Variants in DEGS2 observed in about 807,000 individuals in gnomAD.
The protein encoded by DEGS2 is delta 4-desaturase, sphingolipid 2.
Under a neutral mutation model 23.8 loss-of-function variants are expected in DEGS2, and 19 were observed. That is an observed-to-expected ratio of 0.80 (90% CI 0.56 to 1.17). The LOEUF is 1.17. Ranked by LOEUF, DEGS2 falls within the 50% of genes most tolerant of loss-of-function variation. The pLI is 0.00. For missense variants in DEGS2, 390 were observed against 459.5 expected, an observed-to-expected ratio of 0.85 and a Z score of 1.38; for synonymous variants, 218 against 213.7, an observed-to-expected ratio of 1.02 and a Z score of -0.18.
chr14:100,166,775 A>G, the DEGS2 span, among the ~76,000 whole-genome samples: 1 of 152,182 alleles, frequency 6.6e-6, no homozygotes, highest in African/African-American at 2.4e-5. Context: ...ACAGAAATCA[A>G]AAGGAAAAAT....
chr14:100,148,888 AAG>A lies in DEGS2; in HGVS notation c.825+78_825+79del, dbSNP rs1889506672. The A allele has an allele frequency of 2.0e-6, 3 of 1,482,390 alleles. No homozygotes were observed. In the African/African-American group the frequency reaches 4.2e-5, roughly 21 times the overall value. The allele number at this position is 1,482,390 out of a possible 1,614,324, so 91.8% of individuals were successfully genotyped here. On this transcript the variant is annotated intron_variant, in intron 2 of 2. Transcript: ENST00000305631. The stretch of plus-strand genomic sequence containing the variant: ...AGGGAGAGGCTGCTGGGCATGGCCC[AAG>A]GCCCTTCCAGGGCCCCCACCTCCTC...
chr14:100,151,385 A>G (rs1889568771), intron 1 of DEGS2, among the ~76,000 whole-genome samples: 1 of 152,222 alleles, frequency 6.6e-6, no homozygotes, highest in Non-Finnish European at 1.5e-5. Context: ...GTAACTAAAA[A>G]CTGAGCAGTG....
intron 1 of DEGS2, among the ~76,000 whole-genome samples, chr14:100,156,432 C>A (rs1182918344): frequency 2.0e-5 from 3 of 152,256 alleles, no homozygotes. Flanking sequence ...ATCATCGCAG[C>A]TGATACTCAT....
upstream of DEGS2, chr14:100,159,905 G>T (rs992093075): frequency 4.1e-5 from 8 of 195,348 alleles, no homozygotes; most frequent in Non-Finnish European, 8.3e-5. Flanking sequence ...GGGGGCGACT[G>T]CTGCCACCGC....
chr14:100,165,738 A>T, the DEGS2 span, among the ~76,000 whole-genome samples: 3 of 151,700 alleles, frequency 2.0e-5, no homozygotes, highest in African/African-American at 4.8e-5. Flanking sequence ...GCTCCTCCAA[A>T]GGGAGCCACG....
rs1411217702 is a variant in DEGS2 at position 100,159,604 on chromosome 14, C to A, written c.-17G>T. 1 of 1,480,956 alleles carries A rather than the reference C, an allele frequency of 6.8e-7. No homozygotes were observed. Among genetic ancestry groups the A allele is most frequent in the East Asian group, 2.9e-5 (1 of 34,182 alleles). The allele number at this position is 1,480,956 out of a possible 1,614,324, so 91.7% of individuals were successfully genotyped here. A position where few individuals can be genotyped will look rare whatever the true frequency, so the allele number is the denominator to read the frequency against. On this transcript the variant is annotated 5_prime_UTR_variant, in exon 1 of 3. Transcript: ENST00000305631. Reference sequence around the variant, plus strand: ...GTTGCCCATGGTGGGGCGGGAGGCGCCGTTCGGAGCGCGGCCGGCTCGGCT... The same window carrying A: ...GTTGCCCATGGTGGGGCGGGAGGCGACGTTCGGAGCGCGGCCGGCTCGGCT...
intron 1 of DEGS2, among the ~76,000 whole-genome samples, chr14:100,150,479 C>T (rs1889552241): frequency 6.8e-6 from 1 of 147,322 alleles, no homozygotes; most frequent in African/African-American, 2.6e-5. Flanking sequence ...GAGGGGCAGG[C>T]CACACCTGTG....
At chr14:100,148,057 C>T (rs11621296) in intron 2 of DEGS2, among the ~76,000 whole-genome samples, 19,950 of 152,204 alleles carry the variant, frequency 0.13, 1,426 homozygotes, top group Middle Eastern at 0.19. Context: ...GCACAGGCCA[C>T]GGCCCAGGCT....
chr14:100,148,871 GCTGCTGGGCATGGCCCAAGGCC>G, intron 2 of DEGS2, 75 bp downstream of exon 2: 9 of 1,383,028 alleles, frequency 6.5e-6, no homozygotes, highest in Non-Finnish European at 8.8e-6. Context: ...AAAGGGAGAG[GCTGCTGGGCATGGCCCAAGGCC>G]CTTCCAGGGC....
intron 1 of DEGS2, among the ~76,000 whole-genome samples, chr14:100,154,507 C>G (rs1436797615): frequency 3.3e-5 from 5 of 152,226 alleles, no homozygotes; most frequent in Non-Finnish European, 7.3e-5. Flanking sequence ...GCTGGGAGCC[C>G]ATGGAGGTGG....
chr14:100,152,881 A>AATGG (rs138869050), intron 1 of DEGS2, among the ~76,000 whole-genome samples: 41,159 of 149,088 alleles, frequency 0.28, 5,826 homozygotes, highest in East Asian at 0.37. Context: ...CCCCTCTTCG[A>AATGG]ATGGATGGAT....
chr14:100,166,308 T>TGGGAGGAGCCTGTCTGGGGGAGTC, the DEGS2 span, among the ~76,000 whole-genome samples: 2 of 12,108 alleles, frequency 1.7e-4, no homozygotes. Flanking sequence ...CCCGGGGCTG[T>TGGGAGGAGCCTGTCTGGGGGAGTC]GGGGGAGCCT....
rs1889447341 is a variant in DEGS2 at position 100,146,510 on chromosome 14, G to A, written c.*251C>T. 6 of 500,640 alleles carry A rather than the reference G, an allele frequency of 1.2e-5. No individual in the cohort carries two copies. The South Asian group carries it at 1.6e-4, about 13-fold the overall frequency. The allele number at this position is 500,640 out of a possible 1,614,324, so 31.0% of individuals were successfully genotyped here. A position where few individuals can be genotyped will look rare whatever the true frequency, so the allele number is the denominator to read the frequency against. ...GTGGGCTCAGAGCACCCAGGTCATG[G>A]TGGGGCAGGGCCAGGCCTCACCTGG... On this transcript the variant is annotated 3_prime_UTR_variant, in exon 3 of 3. Coordinates refer to ENST00000305631, the MANE Select transcript of DEGS2 (RefSeq NM_206918.3).
At chr14:100,164,772 ACTCTT>A in the DEGS2 span, among the ~76,000 whole-genome samples, 1 of 152,102 alleles carries the variant, frequency 6.6e-6, no homozygotes, top group Non-Finnish European at 1.5e-5. Flanking sequence ...ACTTTGGAAA[ACTCTT>A]CAGTAATATC....
upstream of DEGS2, chr14:100,159,894 CGG>C: frequency 4.8e-6 from 1 of 209,332 alleles, no homozygotes; most frequent in Non-Finnish European, 9.5e-6. Flanking sequence ...CCTCGATGCG[CGG>C]GGGCGACTGC....
intron 2 of DEGS2, among the ~76,000 whole-genome samples, chr14:100,148,607 A>G (rs1889500052): frequency 6.6e-6 from 1 of 152,192 alleles, no homozygotes; most frequent in African/African-American, 2.4e-5. Flanking sequence ...GGGCAATGAC[A>G]AGGAATGAGC....
At chr14:100,153,059 T>A (rs1419701844) in intron 1 of DEGS2, among the ~76,000 whole-genome samples, 1 of 151,834 alleles carries the variant, frequency 6.6e-6, no homozygotes, top group Non-Finnish European at 1.5e-5. Flanking sequence ...GAGGTCAGGA[T>A]CAGCCTGGGC....
intron 1 of DEGS2, among the ~76,000 whole-genome samples, chr14:100,156,421 TATC>T (rs1889659309): frequency 6.6e-6 from 1 of 152,256 alleles, no homozygotes; most frequent in African/African-American, 2.4e-5. Context: ...CATTAATCAT[TATC>T]ATCGCAGCTG....
upstream of DEGS2, among the ~76,000 whole-genome samples, chr14:100,164,336 G>A (rs1168161789): frequency 6.6e-6 from 1 of 151,400 alleles, no homozygotes; most frequent in East Asian, 2.0e-4. Context: ...AGGAGTTGCT[G>A]TTAATAATGA....
Sources: gnomAD v4.1 joint callset for allele counts (sites outside exome capture counted in the v4.1 genomes callset) on GRCh38, gnomAD v4.1.1 for gene constraint, MANE v1.5 for transcripts, NCBI Gene and HGNC (gene_info 2026-07-23, HGNC 2026-07-21) for gene names.